Variants in RPGRIP1L observed in about 807,000 individuals in gnomAD.
RPGRIP1L encodes the protein RPGRIP1 like.
RPGRIP1L carries 131 observed loss-of-function variants against 160.4 expected under a neutral mutation model. That is an observed-to-expected ratio of 0.82 (90% CI 0.71 to 0.94). The LOEUF is 0.94. Among genes scored for constraint, RPGRIP1L ranks in the 40% least tolerant of loss-of-function variants. RPGRIP1L has a pLI of 0.00. For missense variants in RPGRIP1L, 1,522 were observed against 1,535.8 expected (o/e 0.99, Z 0.15); for synonymous variants, 510 against 515.8 (o/e 0.99, Z 0.15).
chr16:53,625,467 C>G (rs1268221505), intron 22 of RPGRIP1L, among the ~76,000 whole-genome samples: 2 of 114,016 alleles, frequency 1.8e-5, no homozygotes, highest in East Asian at 8.2e-4. Flanking sequence ...GCCGCCCCAT[C>G]TGGGGGCTGG....
chr16:53,622,799 CCACACACACACACA>C (rs201959082), intron 22 of RPGRIP1L, among the ~76,000 whole-genome samples: 46 of 135,892 alleles, frequency 3.4e-4, no homozygotes, highest in Middle Eastern at 3.5e-3. Flanking sequence ...AAAACAAAAA[CCACACACACACACA>C]CACACACACA....
At chr16:53,605,714 A>T in intron 25 of RPGRIP1L, 100 bp from the exon 26 acceptor site, 2 of 1,200,680 alleles carry the variant, frequency 1.7e-6, no homozygotes, top group African/African-American at 3.0e-5. Context: ...ATAAAATGTT[A>T]AAGTTTCCAA....
At chr16:53,619,310 C>T in intron 23 of RPGRIP1L, 102 bp from the exon 24 acceptor site, 1 of 1,013,228 alleles carries the variant, frequency 9.9e-7, no homozygotes, top group Admixed American at 1.9e-5. Context: ...AACACGAAGG[C>T]CAATGGGCTT....
chr16:53,696,438 A>C (rs1970764498), intron 2 of RPGRIP1L, 143 bp from the exon 3 acceptor site: 2 of 768,392 alleles, frequency 2.6e-6, no homozygotes, highest in Non-Finnish European at 2.2e-6. Context: ...AAAATGTTGT[A>C]CCATTGTTTA....
At chr16:53,605,297 G>A in intron 26 of RPGRIP1L, 184 bp downstream of exon 26, 1 of 653,636 alleles carries the variant, frequency 1.5e-6, no homozygotes, top group Non-Finnish European at 2.8e-6. Flanking sequence ...GGAAAGCAGG[G>A]GGGAGGACAG....
chr16:53,609,569 GCAGA>G (rs1361502688), intron 25 of RPGRIP1L, among the ~76,000 whole-genome samples: 3 of 152,260 alleles, frequency 2.0e-5, no homozygotes, highest in African/African-American at 7.2e-5. Flanking sequence ...GAACACAGAG[GCAGA>G]CAAATAAGAC....
At position 53,638,359 on chromosome 16, in the gene RPGRIP1L, T is replaced by A. The variant is rs749613626; in HGVS notation, c.3011A>T (p.His1004Leu). 2 of 1,600,972 alleles carry A rather than the reference T, an allele frequency of 1.2e-6. No individual in the cohort carries two copies. The highest frequency in any genetic ancestry group is 4.5e-5 in the East Asian group (2 of 44,646). Residue 1004 changes from histidine to leucine, a missense_variant, in exon 20 of 27, where the codon CAT (histidine) becomes CTT (leucine). His to Leu is a moderately conservative substitution (Grantham distance 99). Coordinates refer to ENST00000647211, the MANE Select transcript of RPGRIP1L (RefSeq NM_015272.5). ...CATATTAATTTCTATTTCTGGTATA[T>A]GCTCTACCTCTGGTGAAATTTCCTT... is the stretch of plus-strand genomic sequence containing the variant. ...DRKEISPEVE[H>L]IPEIEINMLT...
intron 7 of RPGRIP1L, among the ~76,000 whole-genome samples, chr16:53,673,371 A>G (rs906262650): frequency 6.6e-6 from 1 of 152,162 alleles, no homozygotes; most frequent in African/African-American, 2.4e-5. Flanking sequence ...CTGTCTAAAA[A>G]TGCTGTAGCA....
rs750903762 is a variant in RPGRIP1L, at chr16:53,601,175, T to C, written c.*901A>G. 7.9e-5 allele frequency: 12 copies of C among 152,658 alleles called. No individual in the cohort carries two copies. Among genetic ancestry groups the C allele is most frequent in the Non-Finnish European group, 1.5e-4 (10 of 68,044 alleles). 9.5% of individuals were successfully genotyped at this position (152,658 alleles called of 1,614,324 possible). A position where few individuals can be genotyped will look rare whatever the true frequency, so the allele number is the denominator to read the frequency against. On this transcript the variant is annotated 3_prime_UTR_variant, in exon 27 of 27. Transcript: ENST00000647211. Reference sequence around the variant, plus strand: ...CTTTTCGAGGATCTGGTTACCCAGATACACCCTGGCACTGTACTGGCTTGA... The same window carrying C: ...CTTTTCGAGGATCTGGTTACCCAGACACACCCTGGCACTGTACTGGCTTGA...
At position 53,686,512 on chromosome 16, in the gene RPGRIP1L, T is replaced by G. The variant is rs121918197; in HGVS notation, c.697A>C (p.Lys233Gln). 7 of 1,613,744 alleles carry G rather than the reference T, an allele frequency of 4.3e-6. No homozygotes were observed. The highest frequency in any genetic ancestry group is 5.9e-6 in the Non-Finnish European group (7 of 1,179,764). Reference sequence around the variant, plus strand: ...TTTTCTTTTCTCCTCAACTGAGTTTTCAGGATCTCAGCCAAGTGCTCTAAC... The same window carrying G: ...TTTTCTTTTCTCCTCAACTGAGTTTGCAGGATCTCAGCCAAGTGCTCTAAC... ...EELEHLAEIL[K>Q]TQLRRKENEI... Residue 233 changes from lysine (K) to glutamine (Q), a missense_variant, in exon 6 of 27, where the codon AAA becomes CAA. Lys to Gln is a moderately conservative substitution (Grantham distance 53). Coordinates refer to ENST00000647211, the MANE Select transcript of RPGRIP1L (RefSeq NM_015272.5).
chr16:53,663,066 C>A (rs1328626515), intron 10 of RPGRIP1L, among the ~76,000 whole-genome samples: 1 of 151,794 alleles, frequency 6.6e-6, no homozygotes, highest in Non-Finnish European at 1.5e-5. Context: ...AGAAATAACT[C>A]TGAAAGGACA....
chr16:53,635,256 A>G (rs570207822), intron 22 of RPGRIP1L, among the ~76,000 whole-genome samples: 3 of 152,322 alleles, frequency 2.0e-5, no homozygotes, highest in East Asian at 3.9e-4. Context: ...GCCAACATAC[A>G]CATGGTTCTA....
chr16:53,604,828 G>C (rs896073867), intron 26 of RPGRIP1L, among the ~76,000 whole-genome samples: 3 of 152,134 alleles, frequency 2.0e-5, no homozygotes, highest in Admixed American at 2.0e-4. Context: ...AACATTAACA[G>C]AATAACATCC....
In RPGRIP1L at chr16:53,606,848, A is replaced by G. The variant is rs901980324; in HGVS notation, c.3702-1234T>C. ...AGGCTGGTCTCCAACTCCTGATTTC[A>G]GGTGATCTGCCCACCTCGGCCTCCC... On this transcript the variant is annotated intron_variant, in intron 25 of 26. Transcript: ENST00000647211. Among the ~76,000 whole-genome samples the G allele has an allele frequency of 8.5e-5, 13 of 152,284 alleles. No homozygotes were observed. The East Asian group carries it at 2.5e-3, about 29-fold the overall frequency.
chr16:53,678,449 T>C (rs1004007392), intron 6 of RPGRIP1L, among the ~76,000 whole-genome samples: 1 of 152,218 alleles, frequency 6.6e-6, no homozygotes, highest in African/African-American at 2.4e-5. Flanking sequence ...GTAAAAACTT[T>C]CAGCGGAGCT....
chr16:53,652,523 C>T lies in RPGRIP1L; in HGVS notation c.2152+12G>A. ...GTAATTCAAACACCCAAGGCTTATA[C>T]ATTGTACTTACCAATCAAACTTGCT... On this transcript the variant is annotated intron_variant, in intron 15 of 26. Coordinates refer to ENST00000647211, the MANE Select transcript of RPGRIP1L (RefSeq NM_015272.5). 1.9e-6 allele frequency: 3 copies of T among 1,601,498 alleles called. No homozygotes were observed. The highest frequency in any genetic ancestry group is 2.6e-6 in the Non-Finnish European group (3 of 1,168,846).
chr16:53,696,231 CA>C lies in RPGRIP1L; in HGVS notation c.149del (p.Leu50ArgfsTer33), dbSNP rs1200063571. The C allele has an allele frequency of 2.5e-6, 4 of 1,613,916 alleles. No individual in the cohort carries two copies. In the African/African-American group the frequency reaches 5.3e-5, roughly 22 times the overall value. On this transcript the variant is annotated frameshift_variant, in exon 3 of 27. Transcript: ENST00000647211. LOFTEE classifies it high-confidence loss of function. ...QAVSRVSREE[L>X]EDRFLRLHDE... ...CATGCAAACGCAAAAATCTGTCTTC[CA>C]GTTCCTCACGACTGACACGTGACAC...
intron 10 of RPGRIP1L, among the ~76,000 whole-genome samples, chr16:53,664,639 A>G (rs771583835): frequency 1.3e-5 from 2 of 152,186 alleles, no homozygotes; most frequent in Non-Finnish European, 2.9e-5. Context: ...AATTAAAAAC[A>G]ACCTAAATAA....
At chr16:53,699,305 T>C (rs1466079035) in intron 2 of RPGRIP1L, among the ~76,000 whole-genome samples, 1 of 150,494 alleles carries the variant, frequency 6.6e-6, no homozygotes, top group African/African-American at 2.4e-5. Flanking sequence ...TGTTCACTTG[T>C]TTATCTGCTG....
Sources: gnomAD v4.1 joint callset for allele counts (sites outside exome capture counted in the v4.1 genomes callset) on GRCh38, gnomAD v4.1.1 for gene constraint, MANE v1.5 for transcripts, NCBI Gene and HGNC (gene_info 2026-07-23, HGNC 2026-07-21) for gene names.